The following KBTBD11 variants were observed in gnomAD, a reference collection of about 807,000 sequenced individuals.
The protein encoded by KBTBD11 is kelch repeat and BTB domain-containing protein 11.
For missense variants in KBTBD11, 1,390 were observed against 1,001.8 expected, an observed-to-expected ratio of 1.39 and a Z score of -5.23; for synonymous variants, 747 against 499.0, an observed-to-expected ratio of 1.50 and a Z score of -6.63.
Position 2,003,270 on chromosome 8 carries a change from T to A in KBTBD11, c.*206T>A. ...TCTTTGCTTCTGGGGGTGGATGCCT[T>A]GAGACCCAGGAGGTGTGCGGATGGG... On this transcript the variant is annotated 3_prime_UTR_variant, in exon 2 of 2. Coordinates refer to ENST00000320248, the MANE Select transcript of KBTBD11 (RefSeq NM_014867.3). The A allele has an allele frequency of 1.3e-6, 1 of 765,014 alleles. No individual in the cohort carries two copies. Among genetic ancestry groups the A allele is most frequent in the Non-Finnish European group, 1.8e-6 (1 of 552,628 alleles). 47.4% of individuals were successfully genotyped at this position (765,014 alleles called of 1,614,324 possible).
chr8:2,001,800 A>C lies in KBTBD11; in HGVS notation c.608A>C (p.Asn203Thr). 1 of 1,248,824 alleles carries C rather than the reference A, an allele frequency of 8.0e-7. No homozygotes were observed. Among genetic ancestry groups the C allele is most frequent in the South Asian group, 3.0e-5 (1 of 33,760 alleles). The allele number at this position is 1,248,824 out of a possible 1,614,324, so 77.4% of individuals were successfully genotyped here. A position where few individuals can be genotyped will look rare whatever the true frequency, so the allele number is the denominator to read the frequency against. ...CGCATGGCGGGCGTGCGGCCCGACA[A>C]CGTGGCCGAGGTGGTGGCCGGCGCG... ...SGRMAGVRPD[N>T]VAEVVAGARR... The change falls in exon 2 of 2, where the codon AAC (asparagine) becomes ACC (threonine). Residue 203 changes from asparagine (N) to threonine (T), a missense_variant. Asn to Thr is a moderately conservative substitution (Grantham distance 65). Transcript: ENST00000320248.
At chr8:1,985,209 T>C (rs1391380772) in intron 1 of KBTBD11, among the ~76,000 whole-genome samples, 1 of 152,248 alleles carries the variant, frequency 6.6e-6, no homozygotes. Context: ...GCAGAGCTCT[T>C]ACAGGAGAGC....
rs543087577 is a variant in KBTBD11, at chr8:2,005,909, T to C, written c.*2845T>C. On this transcript the variant is annotated 3_prime_UTR_variant, in exon 2 of 2. Coordinates refer to ENST00000320248, the MANE Select transcript of KBTBD11 (RefSeq NM_014867.3). Reference sequence around the variant, plus strand: ...TTCTGTATTGCCAATCAAGGTTCATTTGAGATGCAGAGGAATGAGCTTGAG... The same window carrying C: ...TTCTGTATTGCCAATCAAGGTTCATCTGAGATGCAGAGGAATGAGCTTGAG... 6.0e-6 allele frequency: 1 copy of C among 167,132 alleles called. No individual in the cohort carries two copies. The highest frequency in any genetic ancestry group is 2.4e-5 in the African/African-American group (1 of 41,460). The allele number at this position is 167,132 out of a possible 1,614,324, so 10.4% of individuals were successfully genotyped here.
At chr8:1,981,519 T>G (rs1322251434) in intron 1 of KBTBD11, among the ~76,000 whole-genome samples, 2 of 152,166 alleles carry the variant, frequency 1.3e-5, no homozygotes, top group Non-Finnish European at 2.9e-5. Flanking sequence ...CTTGAGTAGA[T>G]TAAGGGACAC....
intron 1 of KBTBD11, among the ~76,000 whole-genome samples, chr8:1,999,964 C>T (rs535445619): frequency 6.6e-6 from 1 of 152,302 alleles, no homozygotes; most frequent in South Asian, 2.1e-4. Context: ...CTGCTTTTGA[C>T]CTACAGAACT....
At position 2,002,384 on chromosome 8, in the gene KBTBD11, C is replaced by T. The variant is rs1817414049; in HGVS notation, c.1192C>T (p.Leu398=). 1 of 1,480,030 alleles carries T rather than the reference C, an allele frequency of 6.8e-7. No individual in the cohort carries two copies. Among genetic ancestry groups the T allele is most frequent in the Non-Finnish European group, 8.9e-7 (1 of 1,121,530 alleles). The allele number at this position is 1,480,030 out of a possible 1,614,324, so 91.7% of individuals were successfully genotyped here. A position where few individuals can be genotyped will look rare whatever the true frequency, so the allele number is the denominator to read the frequency against. ...GGACAGCTGGAGCGCCGTGAGGCCC[C>T]TGCGCCAGGCGCGCTCGCAGCTGCG... ...ATDSWSAVRP[L]RQARSQLRLL... is the part of the protein sequence containing the mutation. The change falls in exon 2 of 2, where the codon CTG becomes TTG. Residue 398 remains leucine, a synonymous_variant. Transcript: ENST00000320248. The surrounding 1 kb of genome is among the most constrained non-coding windows in gnomAD (Gnocchi z 4.1).
chr8:1,993,917 C>A (rs555679961), intron 1 of KBTBD11, among the ~76,000 whole-genome samples: 19 of 63,122 alleles, frequency 3.0e-4, no homozygotes, highest in African/African-American at 7.8e-4. Context: ...ATACACAATA[C>A]CCCCTACACA....
chr8:1,996,038 C>CA (rs1395731292), intron 1 of KBTBD11, among the ~76,000 whole-genome samples: 22 of 152,130 alleles, frequency 1.4e-4, no homozygotes, highest in African/African-American at 5.3e-4. Context: ...AACAAACAAA[C>CA]AAAAATCCTG....
intron 1 of KBTBD11, among the ~76,000 whole-genome samples, chr8:1,994,532 C>G (rs1230044062): frequency 6.6e-6 from 1 of 152,192 alleles, no homozygotes; most frequent in South Asian, 2.1e-4. Context: ...CTGGCTCTGC[C>G]CCTTAAAACT....
intron 1 of KBTBD11, among the ~76,000 whole-genome samples, chr8:1,983,614 G>A (rs1249667799): frequency 6.6e-6 from 1 of 152,152 alleles, no homozygotes; most frequent in African/African-American, 2.4e-5. Flanking sequence ...TTTTCACACT[G>A]TCCCTATGGG....
intron 1 of KBTBD11, among the ~76,000 whole-genome samples, chr8:1,996,302 T>G (rs1296571908): frequency 6.6e-6 from 1 of 152,144 alleles, no homozygotes; most frequent in Non-Finnish European, 1.5e-5. Context: ...GTTTCACTCT[T>G]GTTGCCCAGG....
At chr8:1,999,524 A>T (rs986596813) in intron 1 of KBTBD11, among the ~76,000 whole-genome samples, 2 of 152,214 alleles carry the variant, frequency 1.3e-5, no homozygotes, top group African/African-American at 4.8e-5. Flanking sequence ...AGCGTTTGCC[A>T]ATTTAAGAAA....
Position 2,002,704 on chromosome 8 carries a change from C to G in KBTBD11, c.1512C>G (p.Arg504=), listed in dbSNP as rs1172578950. 6.5e-7 allele frequency: 1 copy of G among 1,544,366 alleles called. No homozygotes were observed. The highest frequency in any genetic ancestry group is 1.9e-5 in the Admixed American group (1 of 52,560). The change falls in exon 2 of 2, where the codon CGC becomes CGG. Residue 504 remains arginine, a synonymous_variant. Transcript: ENST00000320248. The surrounding 1 kb of genome is among the most constrained non-coding windows in gnomAD (Gnocchi z 4.1). ...TGGCTCTCGACGGCTTCATCTACCG[C>G]TTCGATCTGAGCGGCAGCCGCGGCG... ...DMVALDGFIY[R]FDLSGSRGEA...
At position 1,989,775 on chromosome 8, in the gene KBTBD11, C is replaced by T. The variant is rs4560832; in HGVS notation, c.-908-10510C>T. On this transcript the variant is annotated intron_variant, in intron 1 of 1. Transcript: ENST00000320248. ...CTGGCTGCGAACCTGACCACAGAGT[C>T]GGAAGCAGGCATCCTCATGGGGTGA... 2.3e-3 allele frequency among the ~76,000 whole-genome samples: 353 copies of T among 152,220 alleles called. 3 individuals are homozygous for T. Among genetic ancestry groups the T allele is most frequent in the South Asian group, 0.022 (107 of 4,816 alleles).
At chr8:1,975,658 A>G (rs1816312936) in intron 1 of KBTBD11, among the ~76,000 whole-genome samples, 1 of 152,188 alleles carries the variant, frequency 6.6e-6, no homozygotes, top group Admixed American at 6.5e-5. Context: ...TCGTGACTGT[A>G]TTTAAGCCAG....
intron 1 of KBTBD11, among the ~76,000 whole-genome samples, chr8:1,991,771 C>T (rs985914710): frequency 6.6e-6 from 1 of 151,858 alleles, no homozygotes; most frequent in African/African-American, 2.4e-5. Flanking sequence ...GGTGAGTGGG[C>T]CTTCTCGTTT....
At chr8:1,986,303 G>C (rs951170942) in intron 1 of KBTBD11, among the ~76,000 whole-genome samples, 1 of 152,180 alleles carries the variant, frequency 6.6e-6, no homozygotes, top group African/African-American at 2.4e-5. Context: ...TGATGATGCA[G>C]GTGCAGTAGA....
intron 1 of KBTBD11, among the ~76,000 whole-genome samples, chr8:1,997,952 G>A (rs1817204539): frequency 6.6e-6 from 1 of 151,946 alleles, no homozygotes; most frequent in Non-Finnish European, 1.5e-5. Flanking sequence ...TGTGTGTGTT[G>A]GAAAAGTAAC....
At position 1,992,588 on chromosome 8, in the gene KBTBD11, A is replaced by T. The variant is rs1035067569; in HGVS notation, c.-908-7697A>T. 3.4e-4 allele frequency among the ~76,000 whole-genome samples: 51 copies of T among 152,126 alleles called. 1 individual carries two copies. Among genetic ancestry groups the T allele is most frequent in the African/African-American group, 1.1e-3 (44 of 41,400 alleles). Reference sequence around the variant, plus strand: ...TCATGCCTGTTCATAATAGATTTTTAAAAAATGTGTAAAGAGTAAAAAAAA... The same window carrying T: ...TCATGCCTGTTCATAATAGATTTTTTAAAAATGTGTAAAGAGTAAAAAAAA... On this transcript the variant is annotated intron_variant, in intron 1 of 1. Transcript: ENST00000320248.
Sources: allele counts gnomAD v4.1 joint callset (sites outside exome capture counted in the v4.1 genomes callset), GRCh38; gene constraint gnomAD v4.1.1; non-coding constraint Gnocchi (gnomAD v3.1); transcripts MANE v1.5; gene names NCBI Gene and HGNC (gene_info 2026-07-23, HGNC 2026-07-21).